Variants in H2AC15 observed in about 807,000 individuals in gnomAD.
H2AC15 encodes the protein histone H2A type 1.
H2AC15 carries 7 observed loss-of-function variants against 7.8 expected under a neutral mutation model. That is an observed-to-expected ratio of 0.90 (90% confidence interval 0.51 to 1.69). H2AC15 has a LOEUF of 1.69. Among genes scored for constraint, H2AC15 ranks in the 40% most tolerant of loss-of-function variants. H2AC15 has a pLI of 0.00. For synonymous variants in H2AC15, 125 were observed against 79.3 expected, an observed-to-expected ratio of 1.58 and a Z score of -3.06; for missense variants, 234 against 174.7, an observed-to-expected ratio of 1.34 and a Z score of -1.91.
rs755440823 is a variant in H2AC15, at chr6:27,837,935, G to C, written c.*12C>G. The C allele has an allele frequency of 1.2e-6, 2 of 1,614,004 alleles. No homozygotes were observed. The highest frequency in any genetic ancestry group is 2.2e-5 in the South Asian group (2 of 91,074). On this transcript the variant is annotated 3_prime_UTR_variant, in exon 1 of 1. Coordinates refer to ENST00000618958, the MANE Select transcript of H2AC15 (RefSeq NM_003510.3). ...TGGACCGAGGTATGAGTAATGAACTGCTCCAGCCCCGCTACTTGCCCTTGG... is the reference window on the plus strand; with the variant it reads ...TGGACCGAGGTATGAGTAATGAACTCCTCCAGCCCCGCTACTTGCCCTTGG...
rs141833276 is a variant in H2AC15 at position 27,838,124 on chromosome 6, G to C, written c.216C>G (p.Arg72=). Residue 72 remains arginine, a synonymous_variant, in exon 1 of 1, where the codon CGC becomes CGG. Transcript: ENST00000618958. ...EILELAGNAA[R]DNKKTRIIPR... is the part of the protein sequence containing the mutation. The stretch of plus-strand genomic sequence containing the variant: ...GGATGATGCGGGTCTTCTTGTTGTC[G>C]CGGGCCGCGTTGCCAGCCAGTTCCA... 2.3e-3 allele frequency: 3,778 copies of C among 1,614,106 alleles called. 20 individuals are homozygous for C. Among genetic ancestry groups the C allele is most frequent in the Admixed American group, 3.4e-3 (203 of 60,010 alleles).
In H2AC15 at chr6:27,838,032, A is replaced by G; in HGVS notation, c.308T>C (p.Ile103Thr). The change falls in exon 1 of 1, where the codon ATC becomes ACC. Residue 103 changes from isoleucine (I) to threonine (T), a missense_variant. Ile to Thr is a moderately conservative substitution (Grantham distance 89, BLOSUM62 -1). Coordinates refer to ENST00000618958, the MANE Select transcript of H2AC15 (RefSeq NM_003510.3). ...ATTGGGCAGGACACCACCCTGGGCG[A>G]TGGTCACTTTACCAAGCAGCTTGTT... Reference protein sequence around the residue: ...ELNKLLGKVTIAQGGVLPNIQ... With the variant: ...ELNKLLGKVTTAQGGVLPNIQ... The G allele has an allele frequency of 6.2e-7, 1 of 1,614,208 alleles. No individual in the cohort carries two copies. Among genetic ancestry groups the G allele is most frequent in the Admixed American group, 1.7e-5 (1 of 60,020 alleles).
In H2AC15 at chr6:27,838,278, C is replaced by T. The variant is rs771390643; in HGVS notation, c.62G>A (p.Arg21Lys). Reference sequence around the variant, plus strand: ...GCCCACTGGGAACTGAAGACCCGCCCTTGAAGAACGGGTCTTAGCCTTGGC... The same window carrying T: ...GCCCACTGGGAACTGAAGACCCGCCTTTGAAGAACGGGTCTTAGCCTTGGC... Reference protein sequence around the residue: ...ARAKAKTRSSRAGLQFPVGRV... With the variant: ...ARAKAKTRSSKAGLQFPVGRV... Residue 21 changes from arginine (R) to lysine (K), a missense_variant, in exon 1 of 1, where the codon AGG becomes AAG. Arg to Lys is a conservative substitution (Grantham distance 26). Coordinates refer to ENST00000618958, the MANE Select transcript of H2AC15 (RefSeq NM_003510.3). 58 of 1,612,514 alleles carry T rather than the reference C, an allele frequency of 3.6e-5. No homozygotes were observed. The highest frequency in any genetic ancestry group is 4.7e-5 in the Non-Finnish European group (55 of 1,179,050).
rs771603078 is a variant in H2AC15, at chr6:27,838,361, A to G, written c.-22T>C. On this transcript the variant is annotated 5_prime_UTR_variant, in exon 1 of 1. Coordinates refer to ENST00000618958, the MANE Select transcript of H2AC15 (RefSeq NM_003510.3). ...ACATGACGTAAAAAATTCAATCAGT[A>G]ACGTTCCTGAGACTGACGTAACGCT... 5.1e-6 allele frequency: 8 copies of G among 1,558,882 alleles called. No homozygotes were observed. The highest frequency in any genetic ancestry group is 6.9e-6 in the Non-Finnish European group (8 of 1,153,296).
In H2AC15 at chr6:27,837,942, C is replaced by G. The variant is rs758747459; in HGVS notation, c.*5G>C. 1.9e-6 allele frequency: 3 copies of G among 1,614,054 alleles called. No individual in the cohort carries two copies. Among genetic ancestry groups the G allele is most frequent in the Non-Finnish European group, 1.7e-6 (2 of 1,179,954 alleles). On this transcript the variant is annotated 3_prime_UTR_variant, in exon 1 of 1. Coordinates refer to ENST00000618958, the MANE Select transcript of H2AC15 (RefSeq NM_003510.3). Reference sequence around the variant, plus strand: ...AGGTATGAGTAATGAACTGCTCCAGCCCCGCTACTTGCCCTTGGCCTTGTG... The same window carrying G: ...AGGTATGAGTAATGAACTGCTCCAGGCCCGCTACTTGCCCTTGGCCTTGTG...
rs144042626 is a variant in H2AC15 at position 27,838,165 on chromosome 6, G to A, written c.175C>T (p.Leu59=). 6.2e-7 allele frequency: 1 copy of A among 1,614,166 alleles called. No individual in the cohort carries two copies. Among genetic ancestry groups the A allele is most frequent in the Non-Finnish European group, 8.5e-7 (1 of 1,180,044 alleles). ...GCCAGTTCCAGGATCTCGGCGGTTA[G>A]GTACTCCAACACCGCCGCCAGGTAC... ...PVYLAAVLEY[L]TAEILELAGN... Residue 59 remains leucine (L), a synonymous_variant, in exon 1 of 1, where the codon CTA becomes TTA. Coordinates refer to ENST00000618958, the MANE Select transcript of H2AC15 (RefSeq NM_003510.3).
chr6:27,837,880 T>C lies in H2AC15; in HGVS notation c.*67A>G, dbSNP rs542696635. ...AACACAGCTCTACTTGGTGAAAAAGTAGGTGGCTCTGAAAAGAACCTTTTT... is the reference window on the plus strand; with the variant it reads ...AACACAGCTCTACTTGGTGAAAAAGCAGGTGGCTCTGAAAAGAACCTTTTT... On this transcript the variant is annotated 3_prime_UTR_variant, in exon 1 of 1. Transcript: ENST00000618958. 781 of 1,571,056 alleles carry C rather than the reference T, an allele frequency of 5.0e-4. 2 individuals are homozygous for C. Among genetic ancestry groups the C allele is most frequent in the Non-Finnish European group, 5.2e-4 (602 of 1,157,260 alleles).
At position 27,837,939 on chromosome 6, in the gene H2AC15, C is replaced by T. The variant is rs1761056775; in HGVS notation, c.*8G>A. ...CCGAGGTATGAGTAATGAACTGCTC[C>T]AGCCCCGCTACTTGCCCTTGGCCTT... is the stretch of plus-strand genomic sequence containing the variant. On this transcript the variant is annotated 3_prime_UTR_variant, in exon 1 of 1. Transcript: ENST00000618958. 1.2e-6 allele frequency: 2 copies of T among 1,613,992 alleles called. No homozygotes were observed. Among genetic ancestry groups the T allele is most frequent in the Non-Finnish European group, 1.7e-6 (2 of 1,179,940 alleles).
Position 27,838,368 on chromosome 6 carries a change from C to A in H2AC15, c.-29G>T. On this transcript the variant is annotated 5_prime_UTR_variant, in exon 1 of 1. The change creates a new upstream start codon in the 5' untranslated region. Transcript: ENST00000618958. ...GTAAAAAATTCAATCAGTAACGTTC[C>A]TGAGACTGACGTAACGCTAAAGCTC... 6.4e-7 allele frequency: 1 copy of A among 1,552,078 alleles called. No homozygotes were observed. Among genetic ancestry groups the A allele is most frequent in the South Asian group, 1.2e-5 (1 of 80,262 alleles).
At position 27,838,335 on chromosome 6, in the gene H2AC15, G is replaced by GT; in HGVS notation, c.4_5insA (p.Ser2TyrfsTer15). ...TTTGCCGCCCTGCTTGCCACGTCCC[G>GT]ACATGACGTAAAAAATTCAATCAGT... On this transcript the variant is annotated frameshift_variant, in exon 1 of 1. Coordinates refer to ENST00000618958, the MANE Select transcript of H2AC15 (RefSeq NM_003510.3). LOFTEE classifies it high-confidence loss of function. 6.3e-7 allele frequency: 1 copy of GT among 1,575,628 alleles called. No individual in the cohort carries two copies. The highest frequency in any genetic ancestry group is 2.2e-5 in the East Asian group (1 of 44,488).
Position 27,838,351 on chromosome 6 carries a change from T to A in H2AC15, c.-12A>T. ...CCACGTCCCGACATGACGTAAAAAA[T>A]TCAATCAGTAACGTTCCTGAGACTG... On this transcript the variant is annotated 5_prime_UTR_variant, in exon 1 of 1. Coordinates refer to ENST00000618958, the MANE Select transcript of H2AC15 (RefSeq NM_003510.3). 6.4e-7 allele frequency: 1 copy of A among 1,567,062 alleles called. No homozygotes were observed. The highest frequency in any genetic ancestry group is 1.2e-5 in the South Asian group (1 of 83,744).
At position 27,838,282 on chromosome 6, in the gene H2AC15, A is replaced by G. The variant is rs762741533; in HGVS notation, c.58T>C (p.Ser20Pro). The change falls in exon 1 of 1, where the codon TCA becomes CCA. Residue 20 changes from serine (S) to proline (P), a missense_variant. Transcript: ENST00000618958. ...KARAKAKTRS[S>P]RAGLQFPVGR... The stretch of plus-strand genomic sequence containing the variant: ...ACTGGGAACTGAAGACCCGCCCTTG[A>G]AGAACGGGTCTTAGCCTTGGCGCGA... 1 of 1,612,294 alleles carries G rather than the reference A, an allele frequency of 6.2e-7. No individual in the cohort carries two copies. The highest frequency in any genetic ancestry group is 1.1e-5 in the South Asian group (1 of 91,000).
Position 27,838,214 on chromosome 6 carries a change from C to T in H2AC15, c.126G>A (p.Glu42=), listed in dbSNP as rs1458908813. Reference sequence around the variant, plus strand: ...ACACCGGCGCTCCGGCACCGACCCGCTCAGCGTAGTTGCCCTTGCGGAGCA... The same window carrying T: ...ACACCGGCGCTCCGGCACCGACCCGTTCAGCGTAGTTGCCCTTGCGGAGCA... ...HRLLRKGNYA[E]RVGAGAPVYL... The change falls in exon 1 of 1, where the codon GAG becomes GAA. Residue 42 remains glutamate, a synonymous_variant. Coordinates refer to ENST00000618958, the MANE Select transcript of H2AC15 (RefSeq NM_003510.3). The T allele has an allele frequency of 6.2e-7, 1 of 1,614,084 alleles. No homozygotes were observed. The highest frequency in any genetic ancestry group is 8.5e-7 in the Non-Finnish European group (1 of 1,180,016).
In H2AC15 at chr6:27,838,365, T is replaced by A. The variant is rs776566851; in HGVS notation, c.-26A>T. ...GACGTAAAAAATTCAATCAGTAACG[T>A]TCCTGAGACTGACGTAACGCTAAAG... On this transcript the variant is annotated 5_prime_UTR_variant, in exon 1 of 1. Coordinates refer to ENST00000618958, the MANE Select transcript of H2AC15 (RefSeq NM_003510.3). The A allele has an allele frequency of 1.7e-5, 26 of 1,553,248 alleles. No homozygotes were observed. In the South Asian group the frequency reaches 3.2e-4, roughly 19 times the overall value.
rs748061432 is a variant in H2AC15 at position 27,838,029 on chromosome 6, G to A, written c.311C>T (p.Ala104Val). 5.0e-6 allele frequency: 8 copies of A among 1,614,122 alleles called. No homozygotes were observed. The African/African-American group carries it at 8.0e-5, about 16-fold the overall frequency. The change falls in exon 1 of 1, where the codon GCC (alanine) becomes GTC (valine). Residue 104 changes from alanine (A) to valine (V), a missense_variant. By Grantham distance (64) the Ala-to-Val change is moderately conservative. Coordinates refer to ENST00000618958, the MANE Select transcript of H2AC15 (RefSeq NM_003510.3). ...GATATTGGGCAGGACACCACCCTGG[G>A]CGATGGTCACTTTACCAAGCAGCTT... is the stretch of plus-strand genomic sequence containing the variant. ...LNKLLGKVTIAQGGVLPNIQA... is the reference protein window; with the variant it reads ...LNKLLGKVTIVQGGVLPNIQA...
Position 27,837,949 on chromosome 6 carries a change from A to C in H2AC15, c.391T>G (p.Ter131GluextTer?). The change falls in exon 1 of 1, where the codon TAG becomes GAG. Residue 131 changes from the stop codon to glutamate, a stop_lost. Transcript: ENST00000618958. ...AGTAATGAACTGCTCCAGCCCCGCT[A>C]CTTGCCCTTGGCCTTGTGGTGGCTC... ...TESHHKAKGK[*>E] 1 of 1,614,160 alleles carries C rather than the reference A, an allele frequency of 6.2e-7. No homozygotes were observed. Among genetic ancestry groups the C allele is most frequent in the Non-Finnish European group, 8.5e-7 (1 of 1,180,014 alleles).
chr6:27,838,191 ACCGGCGCTCCGGCACCGACCCGCTC>A lies in H2AC15; in HGVS notation c.124_148del (p.Glu42CysfsTer10). 6.2e-7 allele frequency: 1 copy of A among 1,614,032 alleles called. No individual in the cohort carries two copies. Among genetic ancestry groups the A allele is most frequent in the East Asian group, 2.2e-5 (1 of 44,850 alleles). ...GTACTCCAACACCGCCGCCAGGTACACCGGCGCTCCGGCACCGACCCGCTCAGCGTAGTTGCCCTTGCGGAGCAGT... is the reference window on the plus strand; with the variant it reads ...GTACTCCAACACCGCCGCCAGGTACAAGCGTAGTTGCCCTTGCGGAGCAGT... On this transcript the variant is annotated frameshift_variant, in exon 1 of 1. Coordinates refer to ENST00000618958, the MANE Select transcript of H2AC15 (RefSeq NM_003510.3). LOFTEE classifies it high-confidence loss of function.
In H2AC15 at chr6:27,837,999, G is replaced by A; in HGVS notation, c.341C>T (p.Ala114Val). The A allele has an allele frequency of 6.2e-7, 1 of 1,614,204 alleles. No homozygotes were observed. The highest frequency in any genetic ancestry group is 8.5e-7 in the Non-Finnish European group (1 of 1,180,032). Residue 114 changes from alanine (A) to valine (V), a missense_variant, in exon 1 of 1, where the codon GCC becomes GTC. Transcript: ENST00000618958. ...CTCAGTTTTCTTAGGCAGCAGCACG[G>A]CCTGGATATTGGGCAGGACACCACC... The part of the protein sequence containing the change: ...AQGGVLPNIQ[A>V]VLLPKKTESH...
Position 27,838,192 on chromosome 6 carries a change from C to T in H2AC15, c.148G>A (p.Val50Met), listed in dbSNP as rs142211266. Reference protein sequence around the residue: ...YAERVGAGAPVYLAAVLEYLT... With the variant: ...YAERVGAGAPMYLAAVLEYLT... ...TACTCCAACACCGCCGCCAGGTACA[C>T]CGGCGCTCCGGCACCGACCCGCTCA... Residue 50 changes from valine (V) to methionine (M), a missense_variant, in exon 1 of 1, where the codon GTG becomes ATG. Coordinates refer to ENST00000618958, the MANE Select transcript of H2AC15 (RefSeq NM_003510.3). 2 of 1,614,088 alleles carry T rather than the reference C, an allele frequency of 1.2e-6. No homozygotes were observed. Among genetic ancestry groups the T allele is most frequent in the Non-Finnish European group, 1.7e-6 (2 of 1,180,028 alleles).
Sources: allele counts gnomAD v4.1 joint callset, GRCh38; gene constraint gnomAD v4.1.1; transcripts MANE v1.5; gene names NCBI Gene and HGNC (gene_info 2026-07-23, HGNC 2026-07-21).